Variants in HSPBAP1 observed in about 807,000 individuals in gnomAD.
The protein encoded by HSPBAP1 is HSPB1-associated protein 1.
Under a neutral mutation model 45.2 loss-of-function variants are expected in HSPBAP1, and 27 were observed. That is an observed-to-expected ratio of 0.60 (90% CI 0.44 to 0.82). HSPBAP1 has a LOEUF of 0.82. Among genes scored for constraint, HSPBAP1 ranks in the 40% least tolerant of loss-of-function variants. The probability of loss-of-function intolerance (pLI) is 0.00; values close to 1 mark genes in which losing one functional copy is unlikely to be tolerated. For missense variants in HSPBAP1, 510 were observed against 590.9 expected (o/e 0.86, Z 1.42); for synonymous variants, 204 against 202.7 (o/e 1.01, Z -0.06).
At chr3:122,743,071 A>G (rs1933723777) in intron 6 of HSPBAP1, among the ~76,000 whole-genome samples, 1 of 152,260 alleles carries the variant, frequency 6.6e-6, no homozygotes, top group African/African-American at 2.4e-5. Flanking sequence ...AGATACAGAC[A>G]TAACACATAA....
chr3:122,755,203 G>C (rs564016843), intron 5 of HSPBAP1, 57 bp downstream of exon 5: 449 of 1,377,882 alleles, frequency 3.3e-4, no homozygotes, highest in Non-Finnish European at 4.0e-4. Context: ...AAGGACTTGA[G>C]AGAGTTACAG....
At chr3:122,751,551 G>A (rs1934136239) in intron 6 of HSPBAP1, among the ~76,000 whole-genome samples, 1 of 152,166 alleles carries the variant, frequency 6.6e-6, no homozygotes, top group African/African-American at 2.4e-5. Context: ...GAAAAACTTG[G>A]AGGTATTTTC....
intron 1 of HSPBAP1, among the ~76,000 whole-genome samples, chr3:122,785,958 C>G (rs947406972): frequency 2.0e-5 from 3 of 151,754 alleles, no homozygotes; most frequent in African/African-American, 7.3e-5. Context: ...GCCTTTTTGC[C>G]CTCATCCTTT....
At chr3:122,744,024 A>C (rs1296449484) in intron 6 of HSPBAP1, among the ~76,000 whole-genome samples, 1 of 152,088 alleles carries the variant, frequency 6.6e-6, no homozygotes, top group Non-Finnish European at 1.5e-5. Context: ...AAAAAATAAA[A>C]AAATAAAAAA....
At chr3:122,788,035 G>A (rs564200702) in intron 1 of HSPBAP1, among the ~76,000 whole-genome samples, 9 of 152,090 alleles carry the variant, frequency 5.9e-5, no homozygotes, top group African/African-American at 1.9e-4. Context: ...TTAGTGCTGC[G>A]GCTGTTATGA....
intron 6 of HSPBAP1, among the ~76,000 whole-genome samples, chr3:122,749,840 G>T (rs1934060380): frequency 6.6e-6 from 1 of 151,968 alleles, no homozygotes; most frequent in Non-Finnish European, 1.5e-5. Context: ...TCAATCTCCT[G>T]ACCATGTGAT....
rs540483321 is a variant in HSPBAP1 at position 122,768,211 on chromosome 3, G to C, written c.432+490C>G. The stretch of plus-strand genomic sequence containing the variant: ...ACAGGGCTTCCACTACCAAATACTG[G>C]GAGCCAAGTGTTCTCTGCCTCAGGC... On this transcript the variant is annotated intron_variant, in intron 3 of 7. Transcript: ENST00000306103. 3.3e-5 allele frequency among the ~76,000 whole-genome samples: 5 copies of C among 152,256 alleles called. No homozygotes were observed. The East Asian group carries it at 9.6e-4, about 29-fold the overall frequency.
intron 1 of HSPBAP1, among the ~76,000 whole-genome samples, chr3:122,780,646 CG>C (rs1425777583): frequency 6.7e-6 from 1 of 148,272 alleles, no homozygotes; most frequent in East Asian, 2.0e-4. Context: ...GCTGGCCAGG[CG>C]GGGGGCTGAC....
intron 2 of HSPBAP1, among the ~76,000 whole-genome samples, chr3:122,771,071 T>C (rs1434082818): frequency 6.6e-6 from 1 of 152,384 alleles, no homozygotes; most frequent in East Asian, 1.9e-4. Context: ...CATTTTCTGT[T>C]ACAGCAAGCT....
intron 6 of HSPBAP1, chr3:122,741,390 CT>C: frequency 2.8e-6 from 1 of 351,014 alleles, no homozygotes; most frequent in African/African-American, 2.1e-5. Context: ...TTTCTCCAAT[CT>C]TTTCCATTAT....
intron 6 of HSPBAP1, among the ~76,000 whole-genome samples, chr3:122,746,374 A>G (rs1933853434): frequency 6.6e-6 from 1 of 151,942 alleles, no homozygotes; most frequent in Admixed American, 6.6e-5. Flanking sequence ...GAATAGCCAG[A>G]AAAACCCTGC....
chr3:122,761,833 A>ATAGACAGC (rs944453590), intron 3 of HSPBAP1: 8 of 152,020 alleles, frequency 5.3e-5, no homozygotes, highest in African/African-American at 1.9e-4. Context: ...CAGTGTAAAA[A>ATAGACAGC]TAGACAGCAT....
At chr3:122,777,301 G>A (rs548707504) in intron 2 of HSPBAP1, among the ~76,000 whole-genome samples, 8 of 152,238 alleles carry the variant, frequency 5.3e-5, no homozygotes, top group South Asian at 2.1e-4. Flanking sequence ...AATAGTGCCC[G>A]AAGCCACAAA....
chr3:122,764,322 A>G (rs983416911), intron 3 of HSPBAP1, among the ~76,000 whole-genome samples: 2 of 152,030 alleles, frequency 1.3e-5, no homozygotes, highest in Admixed American at 6.6e-5. Flanking sequence ...TTTGACTTAA[A>G]CCCCTAGCTT....
chr3:122,759,843 A>G (rs1454666554), intron 3 of HSPBAP1, among the ~76,000 whole-genome samples: 1 of 152,230 alleles, frequency 6.6e-6, no homozygotes, highest in Non-Finnish European at 1.5e-5. Context: ...TAAGCAGTGC[A>G]GATATTTGTG....
chr3:122,792,556 ACATC>A (rs1481043233), intron 1 of HSPBAP1, among the ~76,000 whole-genome samples: 1 of 152,012 alleles, frequency 6.6e-6, no homozygotes, highest in East Asian at 1.9e-4. Context: ...ACCCCTAAAT[ACATC>A]CATCCTTTTC....
chr3:122,793,580 GT>G, intron 1 of HSPBAP1, 36 bp downstream of exon 1: 1 of 1,602,512 alleles, frequency 6.2e-7, no homozygotes, highest in Admixed American at 1.7e-5. Context: ...CTGGCATTGG[GT>G]TTGTACTCAG....
At chr3:122,758,504 C>T (rs1199755076) in intron 4 of HSPBAP1, among the ~76,000 whole-genome samples, 1 of 152,158 alleles carries the variant, frequency 6.6e-6, no homozygotes, top group Non-Finnish European at 1.5e-5. Flanking sequence ...TTGAGGGCAA[C>T]AGTGAAGCCT....
At chr3:122,781,849 A>G (rs1935498355) in intron 1 of HSPBAP1, among the ~76,000 whole-genome samples, 1 of 152,032 alleles carries the variant, frequency 6.6e-6, no homozygotes, top group Non-Finnish European at 1.5e-5. Flanking sequence ...TACACACCAT[A>G]TTTTCTTTAT....
Sources: allele counts gnomAD v4.1 joint callset (sites outside exome capture counted in the v4.1 genomes callset), GRCh38; gene constraint gnomAD v4.1.1; transcripts MANE v1.5; gene names NCBI Gene and HGNC (gene_info 2026-07-23, HGNC 2026-07-21).